Variants in LMO7 observed in about 807,000 individuals in gnomAD.
LMO7 encodes LIM domain 7.
Under a neutral mutation model 206.5 loss-of-function variants are expected in LMO7, and 120 were observed. The ratio of observed to expected loss-of-function variants is 0.58; its 90% CI spans 0.50 to 0.68. LMO7 has a LOEUF of 0.68. Among genes scored for constraint, LMO7 ranks in the 30% least tolerant of loss-of-function variants. The pLI is 0.00. For synonymous variants in LMO7, 706 were observed against 681.5 expected, an observed-to-expected ratio of 1.04 and a Z score of -0.56; for missense variants, 1,959 against 1,957.9, an observed-to-expected ratio of 1.00 and a Z score of -0.01.
intron 2 of LMO7, among the ~76,000 whole-genome samples, chr13:75,723,637 A>C (rs959347242): frequency 1.2e-4 from 18 of 152,154 alleles, no homozygotes; most frequent in South Asian, 2.1e-4. Context: ...CAGTTTTCTG[A>C]ATTGAGTTAT....
At chr13:75,734,486 C>T (rs374239024) in intron 3 of LMO7, among the ~76,000 whole-genome samples, 20 of 152,134 alleles carry the variant, frequency 1.3e-4, no homozygotes, top group Admixed American at 1.2e-3. Context: ...ATTCAGGAAG[C>T]TTCTGTTTGA....
At chr13:75,646,323 A>G (rs2037004130) in intron 1 of LMO7, among the ~76,000 whole-genome samples, 1 of 152,100 alleles carries the variant, frequency 6.6e-6, no homozygotes, top group Non-Finnish European at 1.5e-5. Context: ...AGTAGCCTGG[A>G]CTCCTTGCTT....
chr13:75,659,454 T>A (rs1300958186), intron 1 of LMO7, among the ~76,000 whole-genome samples: 2 of 152,218 alleles, frequency 1.3e-5, no homozygotes, highest in Non-Finnish European at 2.9e-5. Context: ...CAGTTCCACA[T>A]GGCTGGAGAG....
intron 2 of LMO7, among the ~76,000 whole-genome samples, chr13:75,725,963 A>G (rs555237440): frequency 6.6e-6 from 1 of 151,402 alleles, no homozygotes; most frequent in Non-Finnish European, 1.5e-5. Context: ...GGAATGTTGA[A>G]GGAGTGACAT....
At chr13:75,623,725 T>A (rs1291170714) in intron 2 of LMO7, among the ~76,000 whole-genome samples, 1 of 152,124 alleles carries the variant, frequency 6.6e-6, no homozygotes, top group Non-Finnish European at 1.5e-5. Context: ...CAAGTAAAAT[T>A]TTTCTTTCAA....
chr13:75,822,439 A>G (rs2057674468), intron 14 of LMO7, among the ~76,000 whole-genome samples: 1 of 152,158 alleles, frequency 6.6e-6, no homozygotes. Flanking sequence ...ATAGACTCAG[A>G]AAAATATTAT....
rs901608160 is a variant in LMO7 at position 75,777,179 on chromosome 13, C to T, written c.317+16141C>T. 6.6e-5 allele frequency among the ~76,000 whole-genome samples: 10 copies of T among 152,126 alleles called. No homozygotes were observed. The South Asian group carries it at 1.0e-3, about 16-fold the overall frequency. On this transcript the variant is annotated intron_variant, in intron 4 of 30. Coordinates refer to ENST00000377534, the MANE Select transcript of LMO7 (RefSeq NM_001306080.2). The stretch of plus-strand genomic sequence containing the variant: ...TGTTTTATTTCTTTTTTTTCTTCCT[C>T]CCCCAGTGTTCACTCATTTCAGTGA...
At chr13:75,653,195 A>G (rs140922599) in intron 1 of LMO7, among the ~76,000 whole-genome samples, 1 of 152,234 alleles carries the variant, frequency 6.6e-6, no homozygotes. Flanking sequence ...GAAAGTTAAC[A>G]TACTTGCATA....
At chr13:75,816,549 G>T (rs921328955) in intron 11 of LMO7, among the ~76,000 whole-genome samples, 1 of 152,216 alleles carries the variant, frequency 6.6e-6, no homozygotes, top group Non-Finnish European at 1.5e-5. Context: ...TTGAAAGCAT[G>T]CAAGCTGCCC....
chr13:75,642,823 T>C (rs892377242), intron 1 of LMO7, among the ~76,000 whole-genome samples: 4 of 152,300 alleles, frequency 2.6e-5, no homozygotes, highest in Admixed American at 2.6e-4. Context: ...AATGAACAGA[T>C]GAAAGACATG....
rs754205540 is a variant in LMO7 at position 75,807,813 on chromosome 13, G to A, written c.1530G>A (p.Pro510=). 2.4e-5 allele frequency: 38 copies of A among 1,613,580 alleles called. No homozygotes were observed. The highest frequency in any genetic ancestry group is 1.5e-4 in the South Asian group (14 of 91,062). The change falls in exon 10 of 31, where the codon CCG becomes CCA. Residue 510 remains proline, a synonymous_variant. Coordinates refer to ENST00000377534, the MANE Select transcript of LMO7 (RefSeq NM_001306080.2). ...LQCREGELVL[P]DLEKDDMIVR... ...GTAGAGAAGGTGAACTTGTACTTCC[G>A]GATTTGGAAAAAGATGATATGATTG...
chr13:75,639,281 T>A (rs2036278755), intron 1 of LMO7, among the ~76,000 whole-genome samples: 1 of 152,138 alleles, frequency 6.6e-6, no homozygotes, highest in Non-Finnish European at 1.5e-5. Context: ...TGAATCTTGT[T>A]TTTACTTATT....
At chr13:75,735,835 CTT>C (rs964914769) in intron 3 of LMO7, among the ~76,000 whole-genome samples, 28 of 151,790 alleles carry the variant, frequency 1.8e-4, no homozygotes, top group Middle Eastern at 3.4e-3. Flanking sequence ...TATAAAATAA[CTT>C]ATTATTATAT....
At chr13:75,766,257 T>TA (rs1555313082) in intron 4 of LMO7, among the ~76,000 whole-genome samples, 185 of 122,398 alleles carry the variant, frequency 1.5e-3, no homozygotes, top group African/African-American at 5.1e-3. Context: ...TTTTTTTTTT[T>TA]ATGTGAGCTT....
intron 1 of LMO7, among the ~76,000 whole-genome samples, chr13:75,708,622 G>A (rs969879297): frequency 1.1e-4 from 16 of 151,964 alleles, no homozygotes; most frequent in African/African-American, 3.6e-4. Flanking sequence ...GTTTTCTATA[G>A]TTGAGATCTG....
At chr13:75,805,138 A>G (rs2055275400) in intron 8 of LMO7, 7 of 1,100,280 alleles carry the variant, frequency 6.4e-6, no homozygotes, top group Non-Finnish European at 7.7e-6. Flanking sequence ...ATGGGGCTAT[A>G]TGGACTGACG....
exon 1 of LMO7, chr13:75,620,718 A>G (rs984628775): frequency 6.6e-5 from 10 of 152,202 alleles, no homozygotes; most frequent in African/African-American, 2.4e-4. Context: ...CATCTGATAT[A>G]ACTTTTTAAG....
At chr13:75,678,950 C>T (rs1468902288) in intron 1 of LMO7, among the ~76,000 whole-genome samples, 1 of 152,128 alleles carries the variant, frequency 6.6e-6, no homozygotes. Flanking sequence ...TTGGAAAAGA[C>T]CTTAGTATCT....
intron 3 of LMO7, among the ~76,000 whole-genome samples, chr13:75,754,858 T>C (rs2047550947): frequency 6.6e-6 from 1 of 152,242 alleles, no homozygotes; most frequent in Admixed American, 6.5e-5. Flanking sequence ...AATATTCATA[T>C]TGGCCTTATG....
Sources: allele counts gnomAD v4.1 joint callset (sites outside exome capture counted in the v4.1 genomes callset), GRCh38; gene constraint gnomAD v4.1.1; transcripts MANE v1.5; gene names NCBI Gene and HGNC (gene_info 2026-07-23, HGNC 2026-07-21).